Variants in CTNNA3 observed in about 807,000 individuals in gnomAD.
The protein encoded by CTNNA3 is catenin alpha 3.
In CTNNA3, 76 loss-of-function variants were observed where a neutral mutation model predicts 95.7. That is an observed-to-expected ratio of 0.79 (90% CI 0.66 to 0.96). CTNNA3 has a LOEUF of 0.96. Among genes scored for constraint, CTNNA3 ranks in the 40% least tolerant of loss-of-function variants. CTNNA3 has a pLI of 0.00. For synonymous variants in CTNNA3, 431 were observed against 374.4 expected (o/e 1.15, Z -1.74); for missense variants, 1,191 against 1,089.8 (o/e 1.09, Z -1.31).
At chr10:66,937,909 C>A (rs78367913) in intron 7 of CTNNA3, among the ~76,000 whole-genome samples, 1 of 152,142 alleles carries the variant, frequency 6.6e-6, no homozygotes, top group African/African-American at 2.4e-5. Flanking sequence ...CCCCCTCTCC[C>A]AGAGACTGCA....
At chr10:66,165,645 G>T (rs1402625087) in intron 13 of CTNNA3, among the ~76,000 whole-genome samples, 1 of 152,014 alleles carries the variant, frequency 6.6e-6, no homozygotes, top group African/African-American at 2.4e-5. Context: ...TTTACAAAGA[G>T]AAGGCACTAT....
intron 17 of CTNNA3, among the ~76,000 whole-genome samples, chr10:65,941,840 T>C (rs1003846559): frequency 2.0e-5 from 3 of 151,516 alleles, no homozygotes; most frequent in African/African-American, 7.3e-5. Flanking sequence ...GTTTACAATT[T>C]GCAACAATGG....
chr10:66,224,402 T>G (rs2089150584), intron 13 of CTNNA3, among the ~76,000 whole-genome samples: 1 of 152,214 alleles, frequency 6.6e-6, no homozygotes, highest in Non-Finnish European at 1.5e-5. Context: ...TAGTGCCAAT[T>G]TATAGAAAAT....
At chr10:66,440,351 GA>G (rs965271113) in intron 11 of CTNNA3, among the ~76,000 whole-genome samples, 3 of 151,844 alleles carry the variant, frequency 2.0e-5, no homozygotes, top group African/African-American at 7.3e-5. Flanking sequence ...TTTTTCTAGT[GA>G]AATTTTTTTA....
chr10:66,775,755 G>A (rs544890888), intron 7 of CTNNA3, among the ~76,000 whole-genome samples: 13 of 152,110 alleles, frequency 8.5e-5, no homozygotes, highest in Non-Finnish European at 1.8e-4. Flanking sequence ...ACGGAGTTAG[G>A]TTGTATTCAG....
intron 5 of CTNNA3, among the ~76,000 whole-genome samples, chr10:67,412,286 A>G (rs544122587): frequency 6.6e-6 from 1 of 152,176 alleles, no homozygotes; most frequent in Admixed American, 6.5e-5. Context: ...TCATGCATTC[A>G]TTAGCAATTT....
rs1316535775 is a variant in CTNNA3 at position 67,342,902 on chromosome 10, T to TG, written c.580-123033_580-123032insC. 3.9e-5 allele frequency among the ~76,000 whole-genome samples: 6 copies of TG among 152,254 alleles called. 1 individual carries two copies. The highest frequency in any genetic ancestry group is 4.1e-4 in the South Asian group (2 of 4,824). Reference sequence around the variant, plus strand: ...TCTCCAGTTTTGTTTTGTTTTGTTTTTTTCTTTTTTTGGATGGCTTTGGCT... The same window carrying TG: ...TCTCCAGTTTTGTTTTGTTTTGTTTTGTTTCTTTTTTTGGATGGCTTTGGCT... On this transcript the variant is annotated intron_variant, in intron 5 of 17. Coordinates refer to ENST00000433211, the MANE Select transcript of CTNNA3 (RefSeq NM_013266.4).
At chr10:66,793,228 C>T (rs1193102785) in intron 7 of CTNNA3, among the ~76,000 whole-genome samples, 1 of 152,060 alleles carries the variant, frequency 6.6e-6, no homozygotes, top group African/African-American at 2.4e-5. Context: ...GCAGCCTCGA[C>T]CTTCCCAGGT....
intron 13 of CTNNA3, among the ~76,000 whole-genome samples, chr10:66,187,327 A>G (rs1245467969): frequency 1.3e-5 from 2 of 151,522 alleles, no homozygotes; most frequent in African/African-American, 2.4e-5. Context: ...AAAAAACAAC[A>G]AGGCAACCAC....
intron 12 of CTNNA3, among the ~76,000 whole-genome samples, chr10:66,314,762 A>C (rs2092074578): frequency 6.6e-6 from 1 of 152,128 alleles, no homozygotes; most frequent in Non-Finnish European, 1.5e-5. Context: ...TGTCTTTTAC[A>C]AGATTGAACA....
At chr10:66,624,264 G>C (rs1844853777) in intron 9 of CTNNA3, among the ~76,000 whole-genome samples, 1 of 152,080 alleles carries the variant, frequency 6.6e-6, no homozygotes, top group African/African-American at 2.4e-5. Context: ...CCTATAAAAT[G>C]AGTATGATAA....
At chr10:66,234,173 G>C (rs2132019227) in intron 13 of CTNNA3, among the ~76,000 whole-genome samples, 1 of 151,568 alleles carries the variant, frequency 6.6e-6, no homozygotes, top group South Asian at 2.1e-4. Flanking sequence ...TGCTTTCATG[G>C]GTGTTTTCAC....
In CTNNA3 at chr10:66,018,147, G is replaced by T. The variant is rs74689916; in HGVS notation, c.2160-29350C>A. On this transcript the variant is annotated intron_variant, in intron 15 of 17. Transcript: ENST00000433211. ...ATATACATACCCATAGCCATGAGGC[G>T]CAAGTGCATATCTAGTTCTATATGA... 5.4e-3 allele frequency among the ~76,000 whole-genome samples: 793 copies of T among 147,608 alleles called. 6 individuals carry two copies. Among genetic ancestry groups the T allele is most frequent in the African/African-American group, 0.016 (655 of 40,266 alleles).
intron 3 of CTNNA3, among the ~76,000 whole-genome samples, chr10:67,602,401 T>C (rs1277863523): frequency 1.3e-5 from 2 of 152,198 alleles, no homozygotes; most frequent in African/African-American, 4.8e-5. Flanking sequence ...TCCAGAACGA[T>C]GTGCCATTGC....
intron 7 of CTNNA3, among the ~76,000 whole-genome samples, chr10:66,778,199 G>A (rs925071572): frequency 3.3e-5 from 5 of 151,892 alleles, no homozygotes; most frequent in Admixed American, 1.3e-4. Context: ...TTTCACCTCC[G>A]GCTTTTTATT....
chr10:67,075,198 T>G (rs1217329586), intron 7 of CTNNA3, among the ~76,000 whole-genome samples: 3 of 93,056 alleles, frequency 3.2e-5, no homozygotes, highest in African/African-American at 1.3e-4. Flanking sequence ...ACTCACACAC[T>G]ACTATTTAAA....
At chr10:66,654,605 A>C (rs1000727390) in intron 9 of CTNNA3, among the ~76,000 whole-genome samples, 1 of 152,084 alleles carries the variant, frequency 6.6e-6, no homozygotes, top group Admixed American at 6.5e-5. Flanking sequence ...ACTTCTGGAT[A>C]TATGTCCAAA....
At chr10:66,141,266 A>T (rs79551928) in intron 13 of CTNNA3, among the ~76,000 whole-genome samples, 1 of 142,516 alleles carries the variant, frequency 7.0e-6, no homozygotes, top group Non-Finnish European at 1.5e-5. Flanking sequence ...GTCTCAGATT[A>T]AAAAAAAAAA....
At chr10:66,952,666 T>C (rs7901230) in intron 7 of CTNNA3, among the ~76,000 whole-genome samples, 42,038 of 151,842 alleles carry the variant, frequency 0.28, 6,122 homozygotes, top group Middle Eastern at 0.34. Context: ...GTCAGGTAAA[T>C]TGAGGATCTC....
Sources: allele counts gnomAD v4.1 joint callset (sites outside exome capture counted in the v4.1 genomes callset), GRCh38; gene constraint gnomAD v4.1.1; transcripts MANE v1.5; gene names NCBI Gene and HGNC (gene_info 2026-07-23, HGNC 2026-07-21).